MIB2: variants seen among roughly 807,000 people sequenced by gnomAD.
The protein encoded by MIB2 is MIB E3 ubiquitin protein ligase 2, also known as E3 ubiquitin-protein ligase MIB2.
MIB2 carries 78 observed loss-of-function variants against 96.6 expected under a neutral mutation model. The ratio of observed to expected loss-of-function variants is 0.81; its 90% CI spans 0.67 to 0.97. The LOEUF (loss-of-function observed/expected upper bound fraction) is 0.97, where lower values mean the gene tolerates loss of function less well. Among genes scored for constraint, MIB2 ranks in the 50% least tolerant of loss-of-function variants. MIB2 has a pLI of 0.00. For missense variants in MIB2, 1,543 were observed against 1,424.0 expected (o/e 1.08, Z -1.35); for synonymous variants, 820 against 629.5 (o/e 1.30, Z -4.53).
In MIB2 at chr1:1,625,661, G is replaced by C. The variant is rs1394911322; in HGVS notation, c.972+8G>C. ...CCCGGGGCGCTCACCAAGGTGCCGG[G>C]GGGGCTGGGCTGCGCCTCATCTGCT... On this transcript the variant is annotated splice_region_variant and intron_variant, in intron 8 of 19. Transcript: ENST00000355826. This position sits in a 1 kb window ranked among gnomAD's most constrained non-coding sequence, Gnocchi z 5.0. The C allele has an allele frequency of 2.6e-6, 4 of 1,551,880 alleles. No individual in the cohort carries two copies. Among genetic ancestry groups the C allele is most frequent in the Admixed American group, 1.9e-5 (1 of 51,588 alleles).
At chr1:1,616,195 G>A (rs1643637554) in intron 1 of MIB2, 2 of 792,426 alleles carry the variant, frequency 2.5e-6, no homozygotes, top group East Asian at 1.2e-4. Context: ...GCGCGCTCCG[G>A]GTGGGGGTGC....
At position 1,626,286 on chromosome 1, in the gene MIB2, T is replaced by TGCACCCCATGGTCCTGGG. The variant is rs1644752572; in HGVS notation, c.973-361_973-344dup. 6.0e-6 allele frequency: 2 copies of TGCACCCCATGGTCCTGGG among 330,880 alleles called. No individual in the cohort carries two copies. Among genetic ancestry groups the TGCACCCCATGGTCCTGGG allele is most frequent in the East Asian group, 1.1e-4 (2 of 17,738 alleles). The allele number at this position is 330,880 out of a possible 1,614,324, so 20.5% of individuals were successfully genotyped here. A position where few individuals can be genotyped will look rare whatever the true frequency, so the allele number is the denominator to read the frequency against. ...CAGGTGGGGCAGAGTGGGCCCGTCC[T>TGCACCCCATGGTCCTGGG]GCACCCCATGGTCCTGGGGCCCCAC... On this transcript the variant is annotated intron_variant, in intron 8 of 19. Coordinates refer to ENST00000355826, the MANE Select transcript of MIB2 (RefSeq NM_001170687.4). This position sits in a 1 kb window ranked among gnomAD's most constrained non-coding sequence, Gnocchi z 5.3.
chr1:1,615,813 G>A, intron 1 of MIB2, 180 bp downstream of exon 1: 1 of 1,310,838 alleles, frequency 7.6e-7, no homozygotes, highest in Non-Finnish European at 9.7e-7. Flanking sequence ...GCCGCCGCGG[G>A]GCCTCCTGGG....
In MIB2 at chr1:1,627,221, C is replaced by T. The variant is rs750870005; in HGVS notation, c.1374+14C>T. 2 of 1,609,732 alleles carry T rather than the reference C, an allele frequency of 1.2e-6. No homozygotes were observed. Among genetic ancestry groups the T allele is most frequent in the Admixed American group, 1.7e-5 (1 of 59,458 alleles). On this transcript the variant is annotated intron_variant, in intron 11 of 19. Coordinates refer to ENST00000355826, the MANE Select transcript of MIB2 (RefSeq NM_001170687.4). ...CGCCCAGAGCAGGCAAGCTCCTGAC[C>T]CCGTCCTCCCATACTGGCCAGTCTG...
Position 1,615,535 on chromosome 1 carries a change from C to T in MIB2, c.-228C>T, listed in dbSNP as rs772729134. 2.2e-4 allele frequency: 330 copies of T among 1,534,090 alleles called. No homozygotes were observed. The highest frequency in any genetic ancestry group is 2.8e-4 in the Non-Finnish European group (320 of 1,145,676). The stretch of plus-strand genomic sequence containing the variant: ...TCCCACAGTTTCCAGCCGCCGCTCT[C>T]CTCAGTGCCCGGTGGCCCAGGAGGG... On this transcript the variant is annotated 5_prime_UTR_variant, in exon 1 of 20. Transcript: ENST00000355826.
chr1:1,630,549 C>A lies in MIB2; in HGVS notation c.*19C>A. The A allele has an allele frequency of 6.5e-7, 1 of 1,529,534 alleles. No homozygotes were observed. Among genetic ancestry groups the A allele is most frequent in the South Asian group, 1.2e-5 (1 of 82,446 alleles). 94.7% of individuals were successfully genotyped at this position (1,529,534 alleles called of 1,614,324 possible). The stretch of plus-strand genomic sequence containing the variant: ...CGTGTGAGCCGCGCCGTCCGCCGCG[C>A]CCGAGCTGCCTTCGCGTGCCCCCGC... On this transcript the variant is annotated 3_prime_UTR_variant, in exon 20 of 20. Coordinates refer to ENST00000355826, the MANE Select transcript of MIB2 (RefSeq NM_001170687.4).
chr1:1,617,464 G>A (rs565994034), intron 2 of MIB2: 4 of 152,374 alleles, frequency 2.6e-5, no homozygotes, highest in African/African-American at 7.2e-5. Flanking sequence ...GTGAAAAAGA[G>A]AAACTAAGCA....
intron 2 of MIB2, 156 bp downstream of exon 2, chr1:1,616,770 G>T: frequency 1.7e-6 from 1 of 602,882 alleles, no homozygotes; most frequent in Non-Finnish European, 2.9e-6. Flanking sequence ...TCTGAGTTCG[G>T]AACCCATGGA....
upstream of MIB2, chr1:1,615,375 G>C (rs1384570345): frequency 7.0e-7 from 1 of 1,422,476 alleles, no homozygotes; most frequent in Non-Finnish European, 9.1e-7. Context: ...ACCTAGCTGC[G>C]CCACGCAGGG....
Position 1,626,637 on chromosome 1 carries a change from C to G in MIB2, c.973-13C>G, listed in dbSNP as rs938001969. ...CAGCTGGGGGGCCCCTCACGCCCCT[C>G]TTTGTCGCTCAGCACCACTCCTTCT... On this transcript the variant is annotated splice_polypyrimidine_tract_variant and intron_variant, in intron 8 of 19. Transcript: ENST00000355826. This position sits in a 1 kb window ranked among gnomAD's most constrained non-coding sequence, Gnocchi z 5.3. 4 of 1,541,868 alleles carry G rather than the reference C, an allele frequency of 2.6e-6. No homozygotes were observed. The African/African-American group carries it at 4.1e-5, about 16-fold the overall frequency.
At chr1:1,627,648 C>T (rs774638129) in intron 12 of MIB2, 25 bp from the exon 13 acceptor site, 12 of 1,583,352 alleles carry the variant, frequency 7.6e-6, no homozygotes, top group African/African-American at 4.0e-5. Flanking sequence ...CGGCGCCCTC[C>T]CTCTCCCACT....
chr1:1,614,876 G>C (rs1643449393), upstream of MIB2: 2 of 152,672 alleles, frequency 1.3e-5, no homozygotes, highest in Admixed American at 6.5e-5. Flanking sequence ...TTAGCTGTGC[G>C]TGGTAGCGCA....
In MIB2 at chr1:1,627,789, T is replaced by C; in HGVS notation, c.1640T>C (p.Val547Ala). The change falls in exon 13 of 20, where the codon GTG becomes GCG. Residue 547 changes from valine (V) to alanine (A), a missense_variant. Coordinates refer to ENST00000355826, the MANE Select transcript of MIB2 (RefSeq NM_001170687.4). ...GTGCAGAGGGGCTTCCTGGAGGTGG[T>C]GCGGGCCCTGTGTGAGCGCGGCTGT... is the stretch of plus-strand genomic sequence containing the variant. ...VAVQRGFLEV[V>A]RALCERGCDV... 6.3e-7 allele frequency: 1 copy of C among 1,598,722 alleles called. No homozygotes were observed. The highest frequency in any genetic ancestry group is 8.5e-7 in the Non-Finnish European group (1 of 1,179,414).
chr1:1,627,130 C>G lies in MIB2; in HGVS notation c.1297C>G (p.Pro433Ala). 4.4e-6 allele frequency: 7 copies of G among 1,597,894 alleles called. No homozygotes were observed. Among genetic ancestry groups the G allele is most frequent in the Non-Finnish European group, 6.0e-6 (7 of 1,172,740 alleles). ...LRAQKSDPEHPGRLVVEVALG... is the reference protein window; with the variant it reads ...LRAQKSDPEHAGRLVVEVALG... ...GGCCCAGAAGAGTGACCCAGAGCAC[C>G]CGGGAAGGCTGGTGGTGGAGGTGGC... is the stretch of plus-strand genomic sequence containing the variant. Residue 433 changes from proline to alanine, a missense_variant, in exon 11 of 20, where the codon CCG becomes GCG. Coordinates refer to ENST00000355826, the MANE Select transcript of MIB2 (RefSeq NM_001170687.4).
chr1:1,623,137 T>C, intron 2 of MIB2: 1 of 506,820 alleles, frequency 2.0e-6, no homozygotes, highest in Non-Finnish European at 3.4e-6. Context: ...GAGAGCGTTA[T>C]TTGTGAACCT....
At chr1:1,623,994 G>T in intron 4 of MIB2, 49 bp downstream of exon 4, 1 of 1,556,226 alleles carries the variant, frequency 6.4e-7, no homozygotes, top group Non-Finnish European at 8.7e-7. Flanking sequence ...CCCAGGCCTT[G>T]CCACTGGGGC....
chr1:1,628,270 C>T lies in MIB2; in HGVS notation c.1842-3C>T, dbSNP rs754709794. ...GTCCCAGACCAACCTCCCTGCTCCA[C>T]AGAGCTGTGAGAAAGATTCTGGCTC... On this transcript the variant is annotated splice_polypyrimidine_tract_variant and splice_region_variant and intron_variant, in intron 14 of 19. Coordinates refer to ENST00000355826, the MANE Select transcript of MIB2 (RefSeq NM_001170687.4). The T allele has an allele frequency of 1.2e-6, 2 of 1,613,034 alleles. No homozygotes were observed. Among genetic ancestry groups the T allele is most frequent in the East Asian group, 2.2e-5 (1 of 44,882 alleles).
chr1:1,628,358 C>T lies in MIB2; in HGVS notation c.1927C>T (p.Leu643Phe), dbSNP rs776051887. Residue 643 changes from leucine (L) to phenylalanine (F), a missense_variant, in exon 15 of 20, where the codon CTC becomes TTC. Leu to Phe is a conservative substitution (Grantham distance 22). Coordinates refer to ENST00000355826, the MANE Select transcript of MIB2 (RefSeq NM_001170687.4). The stretch of plus-strand genomic sequence containing the variant: ...CTTCACGGCGCTGCATCTGGCTGCC[C>T]TCAACAACCACCGCGAGGTGGCCCA... ...DGFTALHLAALNNHREVAQIL... is the reference protein window; with the variant it reads ...DGFTALHLAAFNNHREVAQIL... 2 of 1,612,758 alleles carry T rather than the reference C, an allele frequency of 1.2e-6. No individual in the cohort carries two copies. Among genetic ancestry groups the T allele is most frequent in the Non-Finnish European group, 1.7e-6 (2 of 1,179,914 alleles).
rs1638219742 is a variant in MIB2 at position 1,629,282 on chromosome 1, G to A, written c.2352G>A (p.Lys784=). The A allele has an allele frequency of 1.3e-6, 2 of 1,527,464 alleles. No individual in the cohort carries two copies. The highest frequency in any genetic ancestry group is 1.2e-5 in the South Asian group (1 of 81,306). 94.6% of individuals were successfully genotyped at this position (1,527,464 alleles called of 1,614,324 possible). A position where few individuals can be genotyped will look rare whatever the true frequency, so the allele number is the denominator to read the frequency against. Residue 784 remains lysine (K), a synonymous_variant, in exon 17 of 20, where the codon AAG becomes AAA. Coordinates refer to ENST00000355826, the MANE Select transcript of MIB2 (RefSeq NM_001170687.4). The part of the protein sequence containing the change: ...LDLAAEGRVL[K]ALQGCAQRFR... Reference sequence around the variant, plus strand: ...TGGCCGCCGAGGGTCGCGTGCTCAAGGCCCTTCAGGGCTGCGCCCAGCGCT... The same window carrying A: ...TGGCCGCCGAGGGTCGCGTGCTCAAAGCCCTTCAGGGCTGCGCCCAGCGCT...
Sources: allele counts gnomAD v4.1 joint callset, GRCh38; gene constraint gnomAD v4.1.1; non-coding constraint Gnocchi (gnomAD v3.1); transcripts MANE v1.5; gene names NCBI Gene and HGNC (gene_info 2026-07-23, HGNC 2026-07-21).